The following UTRN variants were observed in gnomAD, a reference collection of about 807,000 sequenced individuals.
UTRN encodes the protein dystrophin-related protein 1.
In UTRN, 283 loss-of-function variants were observed where a neutral mutation model predicts 463.9. That is an observed-to-expected ratio of 0.61 (90% CI 0.55 to 0.67). The LOEUF (loss-of-function observed/expected upper bound fraction) is 0.67. Among genes scored for constraint, UTRN ranks in the 30% least tolerant of loss-of-function variants. The pLI is 0.00. For synonymous variants in UTRN, 1,442 were observed against 1,431.5 expected (o/e 1.01, Z -0.17); for missense variants, 3,922 against 4,084.3 (o/e 0.96, Z 1.08).
intron 2 of UTRN, among the ~76,000 whole-genome samples, chr6:144,350,612 A>T (rs1430253467): frequency 6.6e-6 from 1 of 152,190 alleles, no homozygotes; most frequent in Non-Finnish European, 1.5e-5. Flanking sequence ...TTGAACTTGC[A>T]TTTCTTTTTT....
intron 2 of UTRN, among the ~76,000 whole-genome samples, chr6:144,376,161 A>T (rs541059118): frequency 7.2e-5 from 11 of 152,076 alleles, no homozygotes; most frequent in South Asian, 6.2e-4. Flanking sequence ...TGCTTTTTTT[A>T]AAAAAGTTTT....
rs1796259931 is a variant in UTRN, at chr6:144,523,201, GA to G, written c.5906+16del. 4 of 1,510,086 alleles carry G rather than the reference GA, an allele frequency of 2.6e-6. No homozygotes were observed. The South Asian group carries it at 4.1e-5, about 15-fold the overall frequency. The allele number at this position is 1,510,086 out of a possible 1,614,324, so 93.5% of individuals were successfully genotyped here. On this transcript the variant is annotated intron_variant, in intron 41 of 74. Coordinates refer to ENST00000367545, the MANE Select transcript of UTRN (RefSeq NM_007124.3). ...GTGATCGGAAAGGGTATGTGTAAAT[GA>G]AATTAATATTTAATTTAAAAAAATG...
At chr6:144,743,801 G>A (rs1209363174) in intron 54 of UTRN, among the ~76,000 whole-genome samples, 1 of 152,046 alleles carries the variant, frequency 6.6e-6, no homozygotes, top group Non-Finnish European at 1.5e-5. Flanking sequence ...AAAACATCAG[G>A]ATTGATCTTT....
At chr6:144,772,015 G>A (rs370837765) in intron 59 of UTRN, 47 bp downstream of exon 59, 258 of 239,820 alleles carry the variant, frequency 1.1e-3, no homozygotes, top group Non-Finnish European at 1.5e-3. Context: ...ACTGAGAACC[G>A]GTTTTTTTTT....
chr6:144,469,517 T>G (rs1182401579), intron 23 of UTRN, among the ~76,000 whole-genome samples: 3 of 152,200 alleles, frequency 2.0e-5, no homozygotes, highest in Non-Finnish European at 2.9e-5. Flanking sequence ...CTGAGCTTGG[T>G]AGTCAGACCT....
chr6:144,473,431 C>T (rs1042994790), intron 23 of UTRN, among the ~76,000 whole-genome samples: 1 of 152,042 alleles, frequency 6.6e-6, no homozygotes, highest in Non-Finnish European at 1.5e-5. Context: ...CATTTTTTCC[C>T]TGTAATTTGC....
At chr6:144,302,451 A>G (rs1033018602) in intron 2 of UTRN, among the ~76,000 whole-genome samples, 6 of 148,556 alleles carry the variant, frequency 4.0e-5, no homozygotes, top group Admixed American at 2.0e-4. Flanking sequence ...CAGAGGTTGT[A>G]GTGAGACGAG....
chr6:144,739,927 A>G (rs1028595091), intron 54 of UTRN, among the ~76,000 whole-genome samples: 2 of 152,210 alleles, frequency 1.3e-5, no homozygotes, highest in Non-Finnish European at 2.9e-5. Flanking sequence ...GGAAGGGGAA[A>G]GTGAAAAATG....
In UTRN at chr6:144,738,406, T is replaced by G. The variant is rs567711853; in HGVS notation, c.7939+7920T>G. Among the ~76,000 whole-genome samples, 23 of 152,314 alleles carry G rather than the reference T, an allele frequency of 1.5e-4. 1 individual carries two copies. The South Asian group carries it at 4.6e-3, about 30-fold the overall frequency. ...ACCTCCAGAGGGAATTAGGGAATAT[T>G]TGTGCCTTCTCTCCTGTTCATTACC... On this transcript the variant is annotated intron_variant, in intron 54 of 74. Coordinates refer to ENST00000367545, the MANE Select transcript of UTRN (RefSeq NM_007124.3).
chr6:144,350,550 C>T (rs1584393916), intron 2 of UTRN, among the ~76,000 whole-genome samples: 1 of 152,206 alleles, frequency 6.6e-6, no homozygotes, highest in East Asian at 1.9e-4. Flanking sequence ...ACTGTTAAAT[C>T]GTCATCTACA....
intron 2 of UTRN, among the ~76,000 whole-genome samples, chr6:144,382,557 C>T (rs552470806): frequency 9.2e-5 from 14 of 152,266 alleles, no homozygotes; most frequent in African/African-American, 3.4e-4. Flanking sequence ...CCATGTGGCT[C>T]TTGCCGCATG....
chr6:144,772,551 T>C (rs912496103), intron 59 of UTRN, among the ~76,000 whole-genome samples: 1 of 152,216 alleles, frequency 6.6e-6, no homozygotes, highest in African/African-American at 2.4e-5. Flanking sequence ...CTCCTTCGTA[T>C]TGAGTCATCT....
At chr6:144,797,298 C>T (rs1285763818) in intron 63 of UTRN, among the ~76,000 whole-genome samples, 1 of 151,944 alleles carries the variant, frequency 6.6e-6, no homozygotes, top group Non-Finnish European at 1.5e-5. Context: ...AAGCGATTCT[C>T]CTGCCTCAGC....
At chr6:144,528,445 A>C (rs1796751431) in intron 41 of UTRN, among the ~76,000 whole-genome samples, 1 of 152,322 alleles carries the variant, frequency 6.6e-6, no homozygotes, top group Non-Finnish European at 1.5e-5. Context: ...AAGATCTGGG[A>C]ATCAGTGGCT....
At chr6:144,742,514 G>T (rs1284658273) in intron 54 of UTRN, among the ~76,000 whole-genome samples, 1 of 152,198 alleles carries the variant, frequency 6.6e-6, no homozygotes, top group Non-Finnish European at 1.5e-5. Flanking sequence ...AAGAGAGAGA[G>T]ATATTGAGAG....
intron 51 of UTRN, among the ~76,000 whole-genome samples, chr6:144,653,719 T>A (rs1779058051): frequency 2.0e-5 from 3 of 152,170 alleles, no homozygotes; most frequent in Admixed American, 2.0e-4. Context: ...ATAAGTCAAG[T>A]AGGACTTATT....
chr6:144,796,558 A>G (rs1012097090), intron 63 of UTRN, among the ~76,000 whole-genome samples: 2 of 152,202 alleles, frequency 1.3e-5, no homozygotes, highest in African/African-American at 4.8e-5. Context: ...GAGACTATGC[A>G]TACAAAAGAA....
At chr6:144,698,154 G>A (rs1288118394) in intron 52 of UTRN, among the ~76,000 whole-genome samples, 3 of 152,106 alleles carry the variant, frequency 2.0e-5, no homozygotes, top group Non-Finnish European at 4.4e-5. Context: ...TAATATAATT[G>A]AAATTATTTA....
intron 1 of UTRN, 122 bp from the exon 2 acceptor site, chr6:144,291,615 C>A: frequency 2.7e-6 from 1 of 376,912 alleles, no homozygotes; most frequent in Non-Finnish European, 4.7e-6. Flanking sequence ...CATTGCCTGG[C>A]TTGGTGCTTT....
Sources: allele counts gnomAD v4.1 joint callset (sites outside exome capture counted in the v4.1 genomes callset), GRCh38; gene constraint gnomAD v4.1.1; transcripts MANE v1.5; gene names NCBI Gene and HGNC (gene_info 2026-07-23, HGNC 2026-07-21).